Variants in IP6K1 observed in about 807,000 individuals in gnomAD.
IP6K1 encodes the protein inositol hexakisphosphate kinase 1.
Under a neutral mutation model 38.3 loss-of-function variants are expected in IP6K1, and 13 were observed. The observed-to-expected ratio is 0.34, with a 90% CI of 0.22 to 0.54. IP6K1 has a LOEUF of 0.54. Among genes scored for constraint, IP6K1 ranks in the 20% least tolerant of loss-of-function variants. The pLI, the probability that IP6K1 is intolerant of heterozygous loss-of-function variation, is 0.92. For missense variants in IP6K1, 397 were observed against 599.8 expected (o/e 0.66, Z 3.53); for synonymous variants, 212 against 229.9 (o/e 0.92, Z 0.70).
At chr3:49,763,105 T>C (rs1389841951) in intron 1 of IP6K1, among the ~76,000 whole-genome samples, 2 of 138,178 alleles carry the variant, frequency 1.4e-5, no homozygotes, top group East Asian at 2.0e-4. Context: ...CAATTATTTC[T>C]TTTTTTTTTT....
intron 1 of IP6K1, among the ~76,000 whole-genome samples, chr3:49,758,957 A>C (rs35249408): frequency 0.54 from 81,253 of 151,078 alleles, 22,458 homozygotes; most frequent in East Asian, 0.82. Flanking sequence ...AAAAAAAAAA[A>C]ATACCCAACA....
intron 1 of IP6K1, among the ~76,000 whole-genome samples, chr3:49,771,097 C>A (rs759259467): frequency 5.4e-5 from 8 of 146,904 alleles, no homozygotes; most frequent in African/African-American, 1.0e-4. Flanking sequence ...CCAGCCTGGG[C>A]AACAGAGCAA....
chr3:49,734,785 C>T (rs2080592715), intron 3 of IP6K1, among the ~76,000 whole-genome samples: 1 of 152,190 alleles, frequency 6.6e-6, no homozygotes, highest in African/African-American at 2.4e-5. Flanking sequence ...AAGAAGTTCT[C>T]TGCGTCTGGA....
chr3:49,765,379 C>T (rs1444267973), intron 1 of IP6K1, among the ~76,000 whole-genome samples: 3 of 151,326 alleles, frequency 2.0e-5, no homozygotes, highest in East Asian at 1.9e-4. Flanking sequence ...TGGTGGCTCA[C>T]GCCTGTAATC....
intron 2 of IP6K1, among the ~76,000 whole-genome samples, chr3:49,738,734 C>A (rs2080638456): frequency 1.3e-5 from 2 of 152,192 alleles, no homozygotes; most frequent in African/African-American, 2.4e-5. Context: ...CTAGGTGACA[C>A]CCACACCTGG....
chr3:49,786,236 T>A (rs2081112100), intron 1 of IP6K1, 118 bp downstream of exon 1: 3 of 152,158 alleles, frequency 2.0e-5, no homozygotes, highest in Non-Finnish European at 4.4e-5. Context: ...TCGAGCGATG[T>A]TCCAGTGATG....
chr3:49,754,596 G>GT (rs71278637), intron 1 of IP6K1, among the ~76,000 whole-genome samples: 6,720 of 151,666 alleles, frequency 0.044, 220 homozygotes, highest in Non-Finnish European at 0.06. Flanking sequence ...AATCATATGA[G>GT]TTTTTTTTTG....
intron 2 of IP6K1, among the ~76,000 whole-genome samples, chr3:49,742,615 A>G (rs2080679938): frequency 6.6e-6 from 1 of 151,968 alleles, no homozygotes; most frequent in Non-Finnish European, 1.5e-5. Context: ...AATCTATTTC[A>G]GGGCCAGGCA....
Position 49,761,554 on chromosome 3 carries a change from C to T in IP6K1, c.-128-13386G>A, listed in dbSNP as rs9799022. Among the ~76,000 whole-genome samples, 8,050 of 148,264 alleles carry T rather than the reference C, an allele frequency of 0.054. 1,674 individuals are homozygous for T. In the East Asian group the frequency reaches 0.62, roughly 11 times the overall value. ...GCGTGAACCCGGGAGGCGGAGCTTG[C>T]AGTGAGCCAAGATCGTGCCACTGCA... is the stretch of plus-strand genomic sequence containing the variant. On this transcript the variant is annotated intron_variant, in intron 1 of 5. Transcript: ENST00000321599.
At chr3:49,728,309 C>T (rs1356438408) in intron 4 of IP6K1, 31 bp from the exon 5 acceptor site, 1 of 1,602,180 alleles carries the variant, frequency 6.2e-7, no homozygotes, top group Admixed American at 1.7e-5. Context: ...ATGACAACCA[C>T]ACTCACCATC....
intron 1 of IP6K1, among the ~76,000 whole-genome samples, chr3:49,756,335 T>G (rs2080822354): frequency 6.6e-6 from 1 of 152,198 alleles, no homozygotes; most frequent in African/African-American, 2.4e-5. Flanking sequence ...CCACTGAACC[T>G]CTTTCCTGTT....
At position 49,728,297 on chromosome 3, in the gene IP6K1, G is replaced by T. The variant is rs1575301590; in HGVS notation, c.617-19C>A. On this transcript the variant is annotated intron_variant, in intron 4 of 5. Coordinates refer to ENST00000321599, the MANE Select transcript of IP6K1 (RefSeq NM_153273.4). ...AGGAACTCTGGGCCACGGTCAAGGA[G>T]AATGACAACCACACTCACCATCAGC... 1 of 1,608,364 alleles carries T rather than the reference G, an allele frequency of 6.2e-7. No homozygotes were observed. Among genetic ancestry groups the T allele is most frequent in the Non-Finnish European group, 8.5e-7 (1 of 1,175,128 alleles).
intron 1 of IP6K1, among the ~76,000 whole-genome samples, chr3:49,780,656 T>A (rs911195568): frequency 1.3e-5 from 2 of 152,296 alleles, no homozygotes; most frequent in Non-Finnish European, 2.9e-5. Context: ...AATGTTTGCA[T>A]CCAGTGCCAT....
intron 1 of IP6K1, among the ~76,000 whole-genome samples, chr3:49,782,947 T>TAA (rs751486214): frequency 3.0e-4 from 18 of 60,170 alleles, no homozygotes; most frequent in African/African-American, 5.2e-4. Flanking sequence ...CCGGCTCTAC[T>TAA]AAAAAAAAAA....
At chr3:49,736,231 A>AT (rs915288860) in intron 3 of IP6K1, among the ~76,000 whole-genome samples, 1 of 152,090 alleles carries the variant, frequency 6.6e-6, no homozygotes, top group African/African-American at 2.4e-5. Flanking sequence ...TTCTATTATT[A>AT]TTTTTTTATT....
chr3:49,763,174 G>A (rs2080881689), intron 1 of IP6K1, among the ~76,000 whole-genome samples: 1 of 149,370 alleles, frequency 6.7e-6, no homozygotes, highest in Non-Finnish European at 1.5e-5. Flanking sequence ...CGCAATCTCG[G>A]CTCACTGCAA....
intron 1 of IP6K1, among the ~76,000 whole-genome samples, chr3:49,755,096 C>CTTTTTT (rs559780072): frequency 4.5e-5 from 5 of 111,954 alleles, no homozygotes; most frequent in African/African-American, 6.6e-5. Context: ...CCAAGCCTGG[C>CTTTTTT]TTTTTTTTTT....
intron 1 of IP6K1, chr3:49,785,855 G>A (rs1268427215): frequency 6.6e-6 from 1 of 152,266 alleles, no homozygotes; most frequent in East Asian, 1.9e-4. Flanking sequence ...GCAGCAGCCA[G>A]GCAGAGGGTC....
intron 1 of IP6K1, among the ~76,000 whole-genome samples, chr3:49,759,152 A>G (rs1281384905): frequency 6.6e-6 from 1 of 152,210 alleles, no homozygotes; most frequent in Non-Finnish European, 1.5e-5. Flanking sequence ...AAGCAGTTTT[A>G]AATCACTGAA....
Sources: gnomAD v4.1 joint callset for allele counts (sites outside exome capture counted in the v4.1 genomes callset) on GRCh38, gnomAD v4.1.1 for gene constraint, MANE v1.5 for transcripts, NCBI Gene and HGNC (gene_info 2026-07-23, HGNC 2026-07-21) for gene names.